Variants in PTPRD observed in about 807,000 individuals in gnomAD.
PTPRD encodes receptor-type tyrosine-protein phosphatase delta.
Under a neutral mutation model 214.5 loss-of-function variants are expected in PTPRD, and 34 were observed. The ratio of observed to expected loss-of-function variants is 0.16; its 90% CI spans 0.12 to 0.21. The LOEUF (loss-of-function observed/expected upper bound fraction) is 0.21. Ranked by LOEUF, PTPRD falls within the 10% of genes least tolerant of loss-of-function variation. PTPRD has a pLI of 1.00. For synonymous variants in PTPRD, 1,128 were observed against 845.7 expected (o/e 1.33, Z -5.79); for missense variants, 2,545 against 2,398.7 (o/e 1.06, Z -1.27).
rs980904759 is a variant in PTPRD at position 9,155,036 on chromosome 9, G to C, written c.-143+28268C>G. Reference sequence around the variant, plus strand: ...TGTTAGATACAATATGATGAATGCAGAAATGCAATAGGGTGGTATTAAAAT... The same window carrying C: ...TGTTAGATACAATATGATGAATGCACAAATGCAATAGGGTGGTATTAAAAT... On this transcript the variant is annotated intron_variant, in intron 10 of 45. Transcript: ENST00000381196. Among the ~76,000 whole-genome samples, 5 of 152,134 alleles carry C rather than the reference G, an allele frequency of 3.3e-5. No homozygotes were observed. The East Asian group carries it at 9.6e-4, about 29-fold the overall frequency.
At chr9:8,925,406 T>C (rs115794354) in intron 11 of PTPRD, among the ~76,000 whole-genome samples, 1,750 of 151,784 alleles carry the variant, frequency 0.012, 49 homozygotes, top group African/African-American at 0.04. Flanking sequence ...AGGTGAAAAA[T>C]GTCAAAAGCA....
At chr9:10,358,469 C>G (rs971226814) in intron 2 of PTPRD, among the ~76,000 whole-genome samples, 18 of 151,786 alleles carry the variant, frequency 1.2e-4, no homozygotes, top group Admixed American at 9.8e-4. Flanking sequence ...AAATATTAGA[C>G]AGTATATTTA....
In PTPRD at chr9:8,990,757, C is replaced by T. The variant is rs548061745; in HGVS notation, c.-104+27940G>A. Among the ~76,000 whole-genome samples the T allele has an allele frequency of 2.4e-4, 36 of 152,168 alleles. 1 individual carries two copies. Among genetic ancestry groups the T allele is most frequent in the African/African-American group, 8.7e-4 (36 of 41,528 alleles). On this transcript the variant is annotated intron_variant, in intron 11 of 45. Coordinates refer to ENST00000381196, the MANE Select transcript of PTPRD (RefSeq NM_002839.4). ...GACCCCCATTCTGGAGAGAGGCTGC[C>T]CCATACCCAGGAGGAAGGAATGCTT...
At chr9:8,908,358 A>T (rs1479551400) in intron 11 of PTPRD, among the ~76,000 whole-genome samples, 1 of 152,208 alleles carries the variant, frequency 6.6e-6, no homozygotes, top group Admixed American at 6.5e-5. Context: ...AGGAGAAAAT[A>T]AAGTTATTAA....
chr9:10,015,725 G>A (rs543824047), intron 4 of PTPRD, among the ~76,000 whole-genome samples: 1 of 152,266 alleles, frequency 6.6e-6, no homozygotes, highest in African/African-American at 2.4e-5. Flanking sequence ...AGAAGAGAAA[G>A]AGGTGGGGGA....
chr9:10,233,323 A>G (rs1005564976), intron 3 of PTPRD, among the ~76,000 whole-genome samples: 1 of 152,010 alleles, frequency 6.6e-6, no homozygotes, highest in Non-Finnish European at 1.5e-5. Context: ...TTTCCCAGTA[A>G]GATAAGCTAG....
chr9:10,558,674 G>A (rs2063165663), intron 2 of PTPRD, among the ~76,000 whole-genome samples: 1 of 152,274 alleles, frequency 6.6e-6, no homozygotes, highest in Admixed American at 6.5e-5. Context: ...CCAAAGGGGG[G>A]AGTTTCTTTT....
chr9:9,162,630 G>T (rs1193341107), intron 10 of PTPRD, among the ~76,000 whole-genome samples: 1 of 151,820 alleles, frequency 6.6e-6, no homozygotes, highest in Non-Finnish European at 1.5e-5. Context: ...CTCCACTTCT[G>T]GAGGAATCTC....
chr9:8,968,254 C>A (rs1308345554), intron 11 of PTPRD, among the ~76,000 whole-genome samples: 1 of 152,014 alleles, frequency 6.6e-6, no homozygotes, highest in Non-Finnish European at 1.5e-5. Flanking sequence ...ATTTATAATC[C>A]TTTGGGTATA....
intron 3 of PTPRD, among the ~76,000 whole-genome samples, chr9:10,165,000 G>A (rs1037712530): frequency 1.7e-4 from 26 of 151,572 alleles, no homozygotes; most frequent in African/African-American, 6.0e-4. Context: ...AAGAAAAGGG[G>A]AAGAAAATTG....
chr9:9,926,063 C>G (rs1206950600), intron 5 of PTPRD, among the ~76,000 whole-genome samples: 4 of 152,026 alleles, frequency 2.6e-5, no homozygotes, highest in Non-Finnish European at 1.5e-5. Context: ...CTCCCAGGCT[C>G]AAGCGATCCT....
At chr9:9,195,860 A>C (rs974248283) in intron 9 of PTPRD, among the ~76,000 whole-genome samples, 2 of 152,182 alleles carry the variant, frequency 1.3e-5, no homozygotes, top group Admixed American at 6.6e-5. Flanking sequence ...GTGAAAACAG[A>C]GTTATAGGCT....
At position 10,056,846 on chromosome 9, in the gene PTPRD, T is replaced by C. The variant is rs528741741; in HGVS notation, c.-544-23056A>G. Among the ~76,000 whole-genome samples, 356 of 152,290 alleles carry C rather than the reference T, an allele frequency of 2.3e-3. 3 individuals are homozygous for C. The highest frequency in any genetic ancestry group is 6.9e-3 in the African/African-American group (288 of 41,572). On this transcript the variant is annotated intron_variant, in intron 3 of 45. Transcript: ENST00000381196. Reference sequence around the variant, plus strand: ...TTACAGGTCACTTGAGTATTATTTATTGCACAGAAGCAGGGACTTGCAGAC... The same window carrying C: ...TTACAGGTCACTTGAGTATTATTTACTGCACAGAAGCAGGGACTTGCAGAC...
At chr9:8,688,365 G>C (rs1023699909) in intron 12 of PTPRD, among the ~76,000 whole-genome samples, 2 of 152,074 alleles carry the variant, frequency 1.3e-5, no homozygotes, top group African/African-American at 4.8e-5. Context: ...AGGAGATCGA[G>C]ACTATCCTAG....
intron 11 of PTPRD, among the ~76,000 whole-genome samples, chr9:8,799,700 ACTTTT>A (rs979432244): frequency 1.3e-5 from 2 of 152,110 alleles, no homozygotes; most frequent in African/African-American, 4.8e-5. Context: ...GGTTCAATTA[ACTTTT>A]CTTTTATGAA....
intron 2 of PTPRD, among the ~76,000 whole-genome samples, chr9:10,490,802 G>A (rs1467152580): frequency 6.6e-6 from 1 of 152,062 alleles, no homozygotes; most frequent in Non-Finnish European, 1.5e-5. Flanking sequence ...ATCCTCCAGG[G>A]AACATTTATT....
intron 5 of PTPRD, among the ~76,000 whole-genome samples, chr9:9,904,273 C>T (rs979689957): frequency 2.2e-4 from 34 of 152,070 alleles, no homozygotes; most frequent in African/African-American, 6.5e-4. Flanking sequence ...GTCAGATGTT[C>T]GCTAAGATAG....
intron 9 of PTPRD, among the ~76,000 whole-genome samples, chr9:9,199,999 T>C (rs1327842142): frequency 6.6e-6 from 1 of 152,210 alleles, no homozygotes; most frequent in Non-Finnish European, 1.5e-5. Flanking sequence ...AAAGTTGTTA[T>C]TGGTCCAGTG....
At chr9:10,117,612 G>GTTTT (rs35593505) in intron 3 of PTPRD, among the ~76,000 whole-genome samples, 33 of 144,692 alleles carry the variant, frequency 2.3e-4, no homozygotes, top group African/African-American at 6.6e-4. Flanking sequence ...AAATCTCCCC[G>GTTTT]TTTTTTTTTT....
Sources: allele counts gnomAD v4.1 joint callset (sites outside exome capture counted in the v4.1 genomes callset), GRCh38; gene constraint gnomAD v4.1.1; transcripts MANE v1.5; gene names NCBI Gene and HGNC (gene_info 2026-07-23, HGNC 2026-07-21).